Variants in ATE1 observed in about 807,000 individuals in gnomAD.
ATE1 encodes the protein arginyl-tRNA--protein transferase 1.
Under a neutral mutation model 70.5 loss-of-function variants are expected in ATE1, and 36 were observed. The ratio of observed to expected loss-of-function variants is 0.51; its 90% CI spans 0.39 to 0.67. The LOEUF (loss-of-function observed/expected upper bound fraction) is 0.67, where lower values mean the gene tolerates loss of function less well. Among genes scored for constraint, ATE1 ranks in the 30% least tolerant of loss-of-function variants. The probability of loss-of-function intolerance (pLI) is 0.00; values close to 1 mark genes in which losing one functional copy is unlikely to be tolerated. For synonymous variants in ATE1, 232 were observed against 219.3 expected (o/e 1.06, Z -0.51); for missense variants, 593 against 629.5 (o/e 0.94, Z 0.62).
chr10:121,889,318 A>G (rs765551144), intron 7 of ATE1, among the ~76,000 whole-genome samples: 5 of 152,202 alleles, frequency 3.3e-5, no homozygotes, highest in Non-Finnish European at 7.3e-5. Flanking sequence ...ATTACTAGAT[A>G]ACAACAAAAA....
intron 7 of ATE1, among the ~76,000 whole-genome samples, chr10:121,877,665 C>T (rs560173189): frequency 1.9e-5 from 2 of 104,154 alleles, no homozygotes; most frequent in East Asian, 4.6e-4. Context: ...GTAAAAAGCT[C>T]CCTATTTAGT....
At chr10:121,761,818 TA>T (rs758340744) in intron 11 of ATE1, among the ~76,000 whole-genome samples, 30 of 152,182 alleles carry the variant, frequency 2.0e-4, no homozygotes, top group Non-Finnish European at 3.7e-4. Flanking sequence ...GTATCTTGTA[TA>T]ATCGATTTTT....
chr10:121,914,803 G>A (rs900461888), intron 3 of ATE1, among the ~76,000 whole-genome samples: 3 of 152,112 alleles, frequency 2.0e-5, no homozygotes, highest in Admixed American at 1.3e-4. Flanking sequence ...TACTGAAAAC[G>A]GCTTAAATAA....
intron 10 of ATE1, among the ~76,000 whole-genome samples, chr10:121,808,815 T>C (rs1037183877): frequency 1.3e-5 from 2 of 152,242 alleles, no homozygotes; most frequent in Non-Finnish European, 2.9e-5. Context: ...TCTTTGATAC[T>C]ACACCAAAAT....
At chr10:121,764,468 C>T (rs1176130712) in intron 11 of ATE1, among the ~76,000 whole-genome samples, 4 of 128,288 alleles carry the variant, frequency 3.1e-5, no homozygotes, top group African/African-American at 1.2e-4. Context: ...AAGACCTTGT[C>T]TGTACCGGTT....
At chr10:121,836,375 G>A (rs893653521) in intron 10 of ATE1, among the ~76,000 whole-genome samples, 11 of 152,100 alleles carry the variant, frequency 7.2e-5, no homozygotes, top group South Asian at 4.1e-4. Context: ...GGTGGAAGGC[G>A]GTGGGTCTGC....
chr10:121,792,357 CT>C (rs1274321823), intron 10 of ATE1, among the ~76,000 whole-genome samples: 2 of 152,086 alleles, frequency 1.3e-5, no homozygotes, highest in African/African-American at 4.8e-5. Context: ...AATGGGAAGG[CT>C]TGTTGGATAA....
Position 121,847,104 on chromosome 10 carries a change from T to C in ATE1, c.976-5841A>G, listed in dbSNP as rs188248857. Among the ~76,000 whole-genome samples the C allele has an allele frequency of 3.9e-3, 593 of 152,234 alleles. 3 individuals are homozygous for C. Among genetic ancestry groups the C allele is most frequent in the African/African-American group, 0.014 (565 of 41,548 alleles). ...TTAGTGAATTTTATGAAAACCATCT[T>C]TTAAAAATGTAAGCCTCAAGGCTGA... On this transcript the variant is annotated intron_variant, in intron 8 of 11. Transcript: ENST00000224652.
At chr10:121,883,145 T>C (rs11200212) in intron 7 of ATE1, among the ~76,000 whole-genome samples, 20,032 of 152,116 alleles carry the variant, frequency 0.13, 1,520 homozygotes, top group East Asian at 0.19. Flanking sequence ...CAATAATCGA[T>C]ACTTCCAACC....
In ATE1 at chr10:121,771,165, G is replaced by A. The variant is rs184044160; in HGVS notation, c.1378+19004C>T. 1.5e-3 allele frequency among the ~76,000 whole-genome samples: 225 copies of A among 152,192 alleles called. 2 individuals carry two copies. The highest frequency in any genetic ancestry group is 5.3e-3 in the African/African-American group (218 of 41,522). ...CCGCTCACTGCAAACTCCACCTCCCGGCTTCAAGCAATTCTCTATCTCAGC... is the reference window on the plus strand; with the variant it reads ...CCGCTCACTGCAAACTCCACCTCCCAGCTTCAAGCAATTCTCTATCTCAGC... On this transcript the variant is annotated intron_variant, in intron 11 of 11. Coordinates refer to ENST00000224652, the MANE Select transcript of ATE1 (RefSeq NM_001001976.3).
rs537052971 is a variant in ATE1 at position 121,780,554 on chromosome 10, G to A, written c.1378+9615C>T. Among the ~76,000 whole-genome samples the A allele has an allele frequency of 6.6e-5, 10 of 152,282 alleles. No individual in the cohort carries two copies. In the South Asian group the frequency reaches 1.2e-3, roughly 19 times the overall value. ...AGTCAAAGAACACATCTGCCAAAGCGCACTAGTGCTTAAGATCTCTTATGG... is the reference window on the plus strand; with the variant it reads ...AGTCAAAGAACACATCTGCCAAAGCACACTAGTGCTTAAGATCTCTTATGG... On this transcript the variant is annotated intron_variant, in intron 11 of 11. Transcript: ENST00000224652.
At chr10:121,850,588 C>A (rs1949015925) in intron 8 of ATE1, among the ~76,000 whole-genome samples, 1 of 152,126 alleles carries the variant, frequency 6.6e-6, no homozygotes, top group Non-Finnish European at 1.5e-5. Flanking sequence ...GCCTCAGGGA[C>A]CCCTGGCATT....
intron 11 of ATE1, among the ~76,000 whole-genome samples, chr10:121,784,283 G>A (rs1188729260): frequency 6.6e-6 from 1 of 152,130 alleles, no homozygotes; most frequent in Non-Finnish European, 1.5e-5. Context: ...TGCAAGACTG[G>A]CTTTAAAGCA....
At chr10:121,746,832 T>C (rs1004842060) in intron 11 of ATE1, among the ~76,000 whole-genome samples, 2 of 151,854 alleles carry the variant, frequency 1.3e-5, no homozygotes, top group African/African-American at 4.8e-5. Context: ...TCAGGAGAAA[T>C]CATCCAAGCT....
chr10:121,822,090 C>T (rs746974158), intron 10 of ATE1, among the ~76,000 whole-genome samples: 7 of 152,112 alleles, frequency 4.6e-5, no homozygotes, highest in African/African-American at 1.4e-4. Flanking sequence ...CCAAAGAACA[C>T]GTAACATAAT....
intron 3 of ATE1, among the ~76,000 whole-genome samples, chr10:121,920,536 A>G (rs1951839553): frequency 6.6e-6 from 1 of 152,064 alleles, no homozygotes; most frequent in Non-Finnish European, 1.5e-5. Context: ...AAAAAAAGAA[A>G]AAAGAAGAAA....
chr10:121,774,559 A>G (rs1945654328), intron 11 of ATE1, among the ~76,000 whole-genome samples: 1 of 152,194 alleles, frequency 6.6e-6, no homozygotes, highest in South Asian at 2.1e-4. Flanking sequence ...GAAAAATGCC[A>G]ATGAAGAAGT....
intron 7 of ATE1, among the ~76,000 whole-genome samples, chr10:121,881,013 T>C (rs931511409): frequency 6.6e-6 from 1 of 152,240 alleles, no homozygotes; most frequent in Non-Finnish European, 1.5e-5. Flanking sequence ...GTATGTAAAT[T>C]GCTCAACACT....
At chr10:121,814,053 C>G (rs144774536) in intron 10 of ATE1, among the ~76,000 whole-genome samples, 1 of 152,294 alleles carries the variant, frequency 6.6e-6, no homozygotes, top group Non-Finnish European at 1.5e-5. Flanking sequence ...AAACGGACTT[C>G]CCTGTATAAG....
Sources: allele counts gnomAD v4.1 joint callset (sites outside exome capture counted in the v4.1 genomes callset), GRCh38; gene constraint gnomAD v4.1.1; transcripts MANE v1.5; gene names NCBI Gene and HGNC (gene_info 2026-07-23, HGNC 2026-07-21).